Variants in ANKRD28 observed in about 807,000 individuals in gnomAD.
ANKRD28 encodes the protein serine/threonine-protein phosphatase 6 regulatory ankyrin repeat subunit A.
In ANKRD28, 44 loss-of-function variants were observed where a neutral mutation model predicts 126.5. The observed-to-expected ratio is 0.35, with a 90% CI of 0.27 to 0.45. ANKRD28 has a LOEUF of 0.45. Ranked by LOEUF, ANKRD28 falls within the 20% of genes least tolerant of loss-of-function variation. The probability of loss-of-function intolerance (pLI) is 1.00; values close to 1 mark genes in which losing one functional copy is unlikely to be tolerated. For missense variants in ANKRD28, 1,110 were observed against 1,316.6 expected (o/e 0.84, Z 2.43); for synonymous variants, 442 against 468.5 (o/e 0.94, Z 0.73).
intron 4 of ANKRD28, among the ~76,000 whole-genome samples, chr3:15,741,399 C>T (rs953498103): frequency 2.6e-5 from 4 of 151,940 alleles, no homozygotes; most frequent in African/African-American, 4.8e-5. Context: ...CATAAGCACA[C>T]GGAAAATAAT....
At chr3:15,811,435 A>C (rs1183262248) in intron 1 of ANKRD28, among the ~76,000 whole-genome samples, 1 of 152,186 alleles carries the variant, frequency 6.6e-6, no homozygotes, top group Non-Finnish European at 1.5e-5. Flanking sequence ...ATAGGAGAAA[A>C]GACAAAATAA....
In ANKRD28 at chr3:15,833,052, A is replaced by G. The variant is rs1189685556; in HGVS notation, c.27+26325T>C. On this transcript the variant is annotated intron_variant, in intron 1 of 27. Coordinates refer to the ANKRD28 transcript ENST00000399451. The surrounding 1 kb of genome is among the most constrained non-coding windows in gnomAD (Gnocchi z 4.4). ...TAACTTACATTCCCACCAATAGTGT[A>G]TAGTGTATAAGCATTCCCTTTTCTT... Among the ~76,000 whole-genome samples the G allele has an allele frequency of 6.6e-6, 1 of 152,204 alleles. No homozygotes were observed. The highest frequency in any genetic ancestry group is 2.4e-5 in the African/African-American group (1 of 41,456).
upstream of ANKRD28, among the ~76,000 whole-genome samples, chr3:15,800,992 A>C (rs2060453261): frequency 6.6e-6 from 1 of 152,108 alleles, no homozygotes; most frequent in Non-Finnish European, 1.5e-5. Context: ...CAGAGAAAGT[A>C]CTTCTGATAA....
chr3:15,692,727 G>A (rs1381177677), intron 17 of ANKRD28, among the ~76,000 whole-genome samples: 1 of 152,180 alleles, frequency 6.6e-6, no homozygotes, highest in East Asian at 1.9e-4. Flanking sequence ...GATATGAAAT[G>A]CAAAAGTGGT....
At chr3:15,819,794 C>T (rs76204907) in intron 1 of ANKRD28, among the ~76,000 whole-genome samples, 6,345 of 152,210 alleles carry the variant, frequency 0.042, 453 homozygotes, top group African/African-American at 0.14. Flanking sequence ...TCTTCCAGCA[C>T]AAAGGCTGTT....
At position 15,669,036 on chromosome 3, in the gene ANKRD28, A is replaced by G. The variant is rs2066133607; in HGVS notation, c.*1234T>C. 6.6e-6 allele frequency: 1 copy of G among 152,522 alleles called. No homozygotes were observed. The highest frequency in any genetic ancestry group is 2.4e-5 in the African/African-American group (1 of 41,454). 9.4% of individuals were successfully genotyped at this position (152,522 alleles called of 1,614,324 possible). ...CTTCTCTCTCTCTTTTGCTATTTGAAAGGTAGTCTTCAATTTGGCAGGCAA... is the reference window on the plus strand; with the variant it reads ...CTTCTCTCTCTCTTTTGCTATTTGAGAGGTAGTCTTCAATTTGGCAGGCAA... On this transcript the variant is annotated 3_prime_UTR_variant, in exon 28 of 28. Transcript: ENST00000683139.
At chr3:15,763,291 A>T (rs759373402) in intron 3 of ANKRD28, among the ~76,000 whole-genome samples, 2 of 152,174 alleles carry the variant, frequency 1.3e-5, no homozygotes, top group Non-Finnish European at 2.9e-5. Flanking sequence ...ACTTCTACCC[A>T]TCCCCACCTC....
chr3:15,795,656 A>G (rs994213675), intron 1 of ANKRD28, among the ~76,000 whole-genome samples: 7 of 152,168 alleles, frequency 4.6e-5, no homozygotes, highest in African/African-American at 1.7e-4. Flanking sequence ...TGTGGGACAG[A>G]ACTTTTTAAG....
rs1198052160 is a variant in ANKRD28, at chr3:15,812,859, C to G, written c.28-17553G>C. On this transcript the variant is annotated intron_variant, in intron 1 of 27. Coordinates refer to the ANKRD28 transcript ENST00000399451. The surrounding 1 kb of genome is among the most constrained non-coding windows in gnomAD (Gnocchi z 4.1). ...CCTGAAAAGGCCAGGTAAAGATTCA[C>G]AATCAGAGATTTCATAAAGAATTCA... 6.6e-6 allele frequency among the ~76,000 whole-genome samples: 1 copy of G among 152,090 alleles called. No individual in the cohort carries two copies. The highest frequency in any genetic ancestry group is 1.5e-5 in the Non-Finnish European group (1 of 68,004).
Position 15,721,030 on chromosome 3 carries a change from A to G in ANKRD28, c.881T>C (p.Ile294Thr). 1 of 1,613,950 alleles carries G rather than the reference A, an allele frequency of 6.2e-7. No homozygotes were observed. The highest frequency in any genetic ancestry group is 8.5e-7 in the Non-Finnish European group (1 of 1,179,840). ...TCCTTTTTCATTCTTTTGATTCACAATAGCACCACAGTCTATAAGTTCATT... is the reference window on the plus strand; with the variant it reads ...TCCTTTTTCATTCTTTTGATTCACAGTAGCACCACAGTCTATAAGTTCATT... ...VVNELIDCGAIVNQKNEKGFT... is the reference protein window; with the variant it reads ...VVNELIDCGATVNQKNEKGFT... The change falls in exon 8 of 28, where the codon ATT (isoleucine) becomes ACT (threonine). Residue 294 changes from isoleucine to threonine, a missense_variant. Transcript: ENST00000683139.
intron 24 of ANKRD28, 69 bp from the exon 25 acceptor site, chr3:15,677,631 T>C (rs2067081222): frequency 8.2e-7 from 1 of 1,217,222 alleles, no homozygotes; most frequent in Admixed American, 2.0e-5. Context: ...TAACTCACTG[T>C]AGAGAAATGA....
At chr3:15,698,993 C>A (rs1184195973) in intron 14 of ANKRD28, among the ~76,000 whole-genome samples, 2 of 152,170 alleles carry the variant, frequency 1.3e-5, no homozygotes, top group Admixed American at 6.5e-5. Context: ...TCAAACTACA[C>A]TACAAGGCTA....
chr3:15,769,576 T>A (rs141489248), intron 2 of ANKRD28, among the ~76,000 whole-genome samples: 1 of 152,160 alleles, frequency 6.6e-6, no homozygotes, highest in Non-Finnish European at 1.5e-5. Context: ...ACACAAAAAA[T>A]TCTTAATCTT....
chr3:15,676,065 G>A (rs1559312382), intron 26 of ANKRD28, 76 bp from the exon 27 acceptor site: 2 of 1,242,356 alleles, frequency 1.6e-6, no homozygotes, highest in Non-Finnish European at 2.2e-6. Flanking sequence ...GGCTGTCAAA[G>A]AGCATTTTTG....
intron 2 of ANKRD28, among the ~76,000 whole-genome samples, chr3:15,778,716 G>A (rs553984539): frequency 6.6e-6 from 1 of 152,282 alleles, no homozygotes; most frequent in South Asian, 2.1e-4. Flanking sequence ...CTTACCTAGA[G>A]TCAGCTTTGT....
chr3:15,782,804 T>C (rs1261644510), intron 2 of ANKRD28, among the ~76,000 whole-genome samples: 2 of 152,122 alleles, frequency 1.3e-5, no homozygotes. Flanking sequence ...AGTGGGAACC[T>C]GGGCGAGAAC....
chr3:15,694,779 T>A lies in ANKRD28; in HGVS notation c.1721A>T (p.Asp574Val). 1 of 1,613,552 alleles carries A rather than the reference T, an allele frequency of 6.2e-7. No individual in the cohort carries two copies. Among genetic ancestry groups the A allele is most frequent in the Non-Finnish European group, 8.5e-7 (1 of 1,179,530 alleles). Residue 574 changes from aspartate to valine, a missense_variant, in exon 17 of 28, where the codon GAT (aspartate) becomes GTT (valine). Coordinates refer to ENST00000683139, the MANE Select transcript of ANKRD28 (RefSeq NM_001349278.2). The stretch of plus-strand genomic sequence containing the variant: ...GCTTATTGTTGCTCTATTATCTGAA[T>A]CACTCAGCATGTCTGTTCCTGAGGT... ...METSGTDMLS[D>V]SDNRATISPL... is the part of the protein sequence containing the mutation.
chr3:15,737,343 A>G, intron 4 of ANKRD28, 110 bp from the exon 5 acceptor site: 2 of 926,306 alleles, frequency 2.2e-6, no homozygotes, highest in Non-Finnish European at 3.2e-6. Flanking sequence ...TATGAAGAAA[A>G]TAAAAAAGCT....
intron 20 of ANKRD28, 105 bp from the exon 21 acceptor site, chr3:15,685,550 A>C (rs2068012476): frequency 1.0e-6 from 1 of 966,872 alleles, no homozygotes; most frequent in East Asian, 2.5e-5. Flanking sequence ...ATATCCTTCC[A>C]TCAATTAAAG....
Sources: gnomAD v4.1 joint callset for allele counts (sites outside exome capture counted in the v4.1 genomes callset) on GRCh38, gnomAD v4.1.1 for gene constraint, Gnocchi (gnomAD v3.1) non-coding constraint, MANE v1.5 for transcripts, NCBI Gene and HGNC (gene_info 2026-07-23, HGNC 2026-07-21) for gene names.